SNRPN: variants seen among roughly 807,000 people sequenced by gnomAD.
SNRPN encodes the protein small nuclear ribonucleoprotein polypeptide N.
In SNRPN, 7 loss-of-function variants were observed where a neutral mutation model predicts 25.2. The observed-to-expected ratio is 0.28, with a 90% CI of 0.16 to 0.52. The LOEUF (loss-of-function observed/expected upper bound fraction) is 0.52. SNRPN is among the 20% of genes least tolerant of loss of function. The probability of loss-of-function intolerance (pLI) is 0.96; values close to 1 mark genes in which losing one functional copy is unlikely to be tolerated. For synonymous variants in SNRPN, 124 were observed against 110.6 expected (o/e 1.12, Z -0.76); for missense variants, 196 against 322.5 (o/e 0.61, Z 3.00).
chr15:24,975,293 CAGG>C, intron 4 of SNRPN, 62 bp from the exon 5 acceptor site: 4 of 1,299,784 alleles, frequency 3.1e-6, no homozygotes, highest in South Asian at 2.6e-5. Flanking sequence ...GGAGAAGAAA[CAGG>C]AGAAGATTAG....
intron 1 of SNRPN, among the ~76,000 whole-genome samples, chr15:24,826,504 G>A (rs1035034797): frequency 3.3e-5 from 5 of 152,070 alleles, no homozygotes; most frequent in African/African-American, 1.2e-4. Context: ...ATTGGTTAAG[G>A]CATGTACAAA....
chr15:24,957,993 G>A (rs1197568471), intron 1 of SNRPN, among the ~76,000 whole-genome samples: 2 of 152,124 alleles, frequency 1.3e-5, no homozygotes, highest in African/African-American at 2.4e-5. Flanking sequence ...TTCCTGTGAT[G>A]CAGAGGAAGG....
intron 2 of SNRPN, chr15:24,919,892 C>T (rs1008140760): frequency 6.9e-6 from 1 of 144,034 alleles, no homozygotes; most frequent in Admixed American, 6.8e-5. Context: ...GTTCCTCTGC[C>T]CCATTTGTAT....
intron 1 of SNRPN, chr15:24,823,863 A>C (rs2049900008): frequency 6.6e-6 from 1 of 152,186 alleles, no homozygotes; most frequent in Non-Finnish European, 1.5e-5. Flanking sequence ...GGGGGTGCAG[A>C]TATCTTTAAA....
chr15:24,955,025 G>C lies in SNRPN; in HGVS notation c.-428G>C. 3.7e-6 allele frequency: 6 copies of C among 1,612,860 alleles called. No individual in the cohort carries two copies. The highest frequency in any genetic ancestry group is 5.1e-6 in the Non-Finnish European group (6 of 1,179,950). On this transcript the variant is annotated 5_prime_UTR_variant, in exon 1 of 10. Coordinates refer to ENST00000390687, the MANE Select transcript of SNRPN (RefSeq NM_003097.6). ...GCCGCCGGAGATGCCTGACGCATCTGTCTGAGGAGCGGTCAGTGACGCGAT... is the reference window on the plus strand; with the variant it reads ...GCCGCCGGAGATGCCTGACGCATCTCTCTGAGGAGCGGTCAGTGACGCGAT...
At position 24,961,261 on chromosome 15, in the gene SNRPN, G is replaced by A. The variant is rs79027669; in HGVS notation, c.-390-853G>A. Among the ~76,000 whole-genome samples, 530 of 152,262 alleles carry A rather than the reference G, an allele frequency of 3.5e-3. 2 individuals carry two copies. The highest frequency in any genetic ancestry group is 0.012 in the African/African-American group (493 of 41,546). ...TCTTGAAAGAATAAAACAGCTGTGC[G>A]TTATTGGTAAGCTATTTTACCAATC... On this transcript the variant is annotated intron_variant, in intron 1 of 9. Transcript: ENST00000390687.
chr15:24,866,553 A>G (rs1439639556), intron 1 of SNRPN, among the ~76,000 whole-genome samples: 2 of 152,154 alleles, frequency 1.3e-5, no homozygotes, highest in Admixed American at 1.3e-4. Flanking sequence ...GCACACCACC[A>G]TGCCCAGCTA....
At chr15:24,829,586 AT>A (rs1242811664) in intron 1 of SNRPN, among the ~76,000 whole-genome samples, 1 of 152,038 alleles carries the variant, frequency 6.6e-6, no homozygotes, top group Non-Finnish European at 1.5e-5. Context: ...TGAGGACTGC[AT>A]TCTGTGGGGA....
chr15:24,947,412 C>T (rs888071567), intron 3 of SNRPN, among the ~76,000 whole-genome samples: 4 of 152,152 alleles, frequency 2.6e-5, no homozygotes, highest in African/African-American at 4.8e-5. Flanking sequence ...AAGTGGATCA[C>T]GAGGTCAGGA....
At chr15:24,946,536 C>A (rs1243971034) in intron 3 of SNRPN, among the ~76,000 whole-genome samples, 1 of 152,198 alleles carries the variant, frequency 6.6e-6, no homozygotes, top group Admixed American at 6.5e-5. Context: ...GTGATGTAAT[C>A]ATGGCTCGTT....
chr15:24,909,178 ATCT>A, intron 2 of SNRPN: 1 of 1,440,286 alleles, frequency 6.9e-7, no homozygotes, highest in East Asian at 2.3e-5. Context: ...AAGCATTTTC[ATCT>A]TCTTCCATTA....
chr15:24,906,641 C>G (rs1276735260), intron 2 of SNRPN, among the ~76,000 whole-genome samples: 1 of 152,102 alleles, frequency 6.6e-6, no homozygotes, highest in Non-Finnish European at 1.5e-5. Flanking sequence ...TGACCCACTT[C>G]AGGGGGAAGA....
At chr15:24,903,924 T>C (rs2058625779) in intron 2 of SNRPN, among the ~76,000 whole-genome samples, 1 of 151,766 alleles carries the variant, frequency 6.6e-6, no homozygotes, top group African/African-American at 2.4e-5. Context: ...GTCCCAGGTA[T>C]TTGGGAGACT....
intron 2 of SNRPN, among the ~76,000 whole-genome samples, chr15:24,900,237 G>A (rs145250982): frequency 2.5e-4 from 38 of 152,326 alleles, no homozygotes; most frequent in South Asian, 2.1e-3. Context: ...TTAATTCTCA[G>A]TTCAAGCCAC....
At chr15:24,882,727 A>G (rs1392893386) in intron 1 of SNRPN, among the ~76,000 whole-genome samples, 1 of 151,766 alleles carries the variant, frequency 6.6e-6, no homozygotes, top group African/African-American at 2.4e-5. Flanking sequence ...CAGGAGGCTG[A>G]GGAGAAGAAT....
At chr15:24,973,163 A>T (rs894920464) in intron 3 of SNRPN, among the ~76,000 whole-genome samples, 5 of 152,080 alleles carry the variant, frequency 3.3e-5, no homozygotes, top group Admixed American at 3.3e-4. Flanking sequence ...TGTTGGGATT[A>T]TGGGCGTGAG....
intron 3 of SNRPN, among the ~76,000 whole-genome samples, chr15:24,933,216 T>C (rs908086848): frequency 6.6e-6 from 1 of 152,058 alleles, no homozygotes; most frequent in African/African-American, 2.4e-5. Context: ...CCAAGATCCA[T>C]GCCACTGTGC....
chr15:24,876,803 A>C (rs1186723297), intron 1 of SNRPN, among the ~76,000 whole-genome samples: 1 of 152,132 alleles, frequency 6.6e-6, no homozygotes, highest in Non-Finnish European at 1.5e-5. Flanking sequence ...ATAAATAACA[A>C]AGGATGATTA....
intron 2 of SNRPN, among the ~76,000 whole-genome samples, chr15:24,918,931 A>G (rs12915523): frequency 0.034 from 1,564 of 46,538 alleles, 534 homozygotes; most frequent in South Asian, 0.092. Flanking sequence ...TAATATATAT[A>G]TGCGCACATA....
Sources: allele counts gnomAD v4.1 joint callset (sites outside exome capture counted in the v4.1 genomes callset), GRCh38; gene constraint gnomAD v4.1.1; transcripts MANE v1.5; gene names NCBI Gene and HGNC (gene_info 2026-07-23, HGNC 2026-07-21).